ACTR1B: variants seen among roughly 807,000 people sequenced by gnomAD.
The protein encoded by ACTR1B is actin related protein 1B.
A neutral mutation model predicts 49.4 loss-of-function variants in ACTR1B; 34 were observed. The ratio of observed to expected loss-of-function variants is 0.69; its 90% confidence interval spans 0.52 to 0.92. The LOEUF (loss-of-function observed/expected upper bound fraction) is 0.92, where lower values mean the gene tolerates loss of function less well. Ranked by LOEUF, ACTR1B falls within the 40% of genes least tolerant of loss-of-function variation. The pLI, the probability that ACTR1B is intolerant of heterozygous loss-of-function variation, is 0.00. For missense variants in ACTR1B, 471 were observed against 522.4 expected (o/e 0.90, Z 0.96); for synonymous variants, 207 against 207.8 (o/e 1.00, Z 0.03).
intron 1 of ACTR1B, among the ~76,000 whole-genome samples, chr2:97,662,791 G>A (rs911669328): frequency 5.9e-5 from 9 of 152,178 alleles, no homozygotes; most frequent in Non-Finnish European, 1.3e-4. Flanking sequence ...CTGTTGATTA[G>A]CCTATACGAG....
chr2:97,656,530 C>T lies in ACTR1B; in HGVS notation c.*328G>A, dbSNP rs1293253420. ...ACCCAGGCATCCAGGCATTCTGGCC[C>T]TGGAGCTCAGGGAGGCAGCCCTGAG... On this transcript the variant is annotated 3_prime_UTR_variant, in exon 11 of 11. Transcript: ENST00000289228. 1.4e-5 allele frequency: 4 copies of T among 294,562 alleles called. No homozygotes were observed. Among genetic ancestry groups the T allele is most frequent in the Non-Finnish European group, 2.0e-5 (3 of 153,794 alleles). The allele number at this position is 294,562 out of a possible 1,614,324, so 18.2% of individuals were successfully genotyped here. A position where few individuals can be genotyped will look rare whatever the true frequency, so the allele number is the denominator to read the frequency against.
rs1397509836 is a variant in ACTR1B at position 97,658,429 on chromosome 2, CTTT to C, written c.652_654del (p.Lys218del). ...CACACCCTCTCGCCCCTTGTCACCT[CTTT>C]GATTGTCCGGACAACCTCAAACTCA... On this transcript the variant is annotated inframe_deletion, in exon 6 of 11. Coordinates refer to ENST00000289228, the MANE Select transcript of ACTR1B (RefSeq NM_005735.4). The surrounding 1 kb of genome is among the most constrained non-coding windows in gnomAD (Gnocchi z 5.9). 1 of 1,614,050 alleles carries C rather than the reference CTTT, an allele frequency of 6.2e-7. No individual in the cohort carries two copies. The highest frequency in any genetic ancestry group is 8.5e-7 in the Non-Finnish European group (1 of 1,179,982).
Position 97,658,064 on chromosome 2 carries a change from G to A in ACTR1B, c.804C>T (p.Val268=), listed in dbSNP as rs1042705. Residue 268 remains valine, a synonymous_variant, in exon 8 of 11, where the codon GTC becomes GTT. Coordinates refer to ENST00000289228, the MANE Select transcript of ACTR1B (RefSeq NM_005735.4). The surrounding 1 kb of genome is among the most constrained non-coding windows in gnomAD (Gnocchi z 5.9). The stretch of plus-strand genomic sequence containing the variant: ...CATGGAGCCCCTCACTCTCATCCCC[G>A]ACAAGGTCCGGCTGGAACAGCAGCT... ...APELLFQPDL[V]GDESEGLHEV... is the part of the protein sequence containing the mutation. The A allele has an allele frequency of 1.3e-5, 21 of 1,613,854 alleles. No homozygotes were observed. Among genetic ancestry groups the A allele is most frequent in the Middle Eastern group, 1.6e-4 (1 of 6,084 alleles).
At chr2:97,661,714 G>A (rs926938762) in intron 2 of ACTR1B, among the ~76,000 whole-genome samples, 168 bp downstream of exon 2, 6 of 152,174 alleles carry the variant, frequency 3.9e-5, no homozygotes, top group Admixed American at 2.0e-4. Context: ...ACCCTAGAAC[G>A]CTTGTCTTGT....
In ACTR1B at chr2:97,661,954, G is replaced by C; in HGVS notation, c.49-8C>G. On this transcript the variant is annotated splice_region_variant and splice_polypyrimidine_tract_variant and intron_variant, in intron 1 of 10. Transcript: ENST00000289228. Reference sequence around the variant, plus strand: ...TTTAATCACCCCCGAACCCTGCAAGGAAAAACAAAGTTGAGCTGCCCACAT... The same window carrying C: ...TTTAATCACCCCCGAACCCTGCAAGCAAAAACAAAGTTGAGCTGCCCACAT... 1.3e-6 allele frequency: 2 copies of C among 1,583,384 alleles called. No homozygotes were observed. Among genetic ancestry groups the C allele is most frequent in the Non-Finnish European group, 1.7e-6 (2 of 1,162,472 alleles).
chr2:97,663,844 T>G lies in ACTR1B; in HGVS notation c.47A>C (p.Asn16Thr). ...IIANQPVVID[N>T]GSGVIKAGFA... ...CTCCCCCTGGCTGCCGGGCCTCACG[T>G]TGTCGATGACCACAGGCTGGTTGGC... is the stretch of plus-strand genomic sequence containing the variant. Residue 16 changes from asparagine to threonine, a missense_variant and splice_region_variant, in exon 1 of 11, where the codon AAC (asparagine) becomes ACC (threonine). Coordinates refer to ENST00000289228, the MANE Select transcript of ACTR1B (RefSeq NM_005735.4). 1 of 1,414,198 alleles carries G rather than the reference T, an allele frequency of 7.1e-7. No homozygotes were observed. The highest frequency in any genetic ancestry group is 3.3e-5 in the East Asian group (1 of 30,748). The allele number at this position is 1,414,198 out of a possible 1,614,324, so 87.6% of individuals were successfully genotyped here.
In ACTR1B at chr2:97,658,912, G is replaced by A. The variant is rs1674933677; in HGVS notation, c.407C>T (p.Ala136Val). ...EVFFETFNVP[A>V]LFISMQAVLS... Reference sequence around the variant, plus strand: ...CACAGCCTGCATGGAGATGAACAGGGCCGGCACGTTGAAGGTCTCAAAGAA... The same window carrying A: ...CACAGCCTGCATGGAGATGAACAGGACCGGCACGTTGAAGGTCTCAAAGAA... Residue 136 changes from alanine (A) to valine (V), a missense_variant, in exon 5 of 11, where the codon GCC (alanine) becomes GTC (valine). Ala to Val is a moderately conservative substitution (Grantham distance 64, BLOSUM62 0). Transcript: ENST00000289228. The surrounding 1 kb of genome is among the most constrained non-coding windows in gnomAD (Gnocchi z 5.9). 2 of 1,614,120 alleles carry A rather than the reference G, an allele frequency of 1.2e-6. No individual in the cohort carries two copies. Among genetic ancestry groups the A allele is most frequent in the South Asian group, 1.1e-5 (1 of 91,080 alleles).
intron 8 of ACTR1B, among the ~76,000 whole-genome samples, 174 bp from the exon 9 acceptor site, chr2:97,657,683 C>T (rs913017800): frequency 1.1e-4 from 16 of 152,240 alleles, no homozygotes; most frequent in South Asian, 2.1e-4. Context: ...GCGGGCCCTG[C>T]GTCCTCACAG....
intron 10 of ACTR1B, 26 bp downstream of exon 10, chr2:97,657,126 G>C (rs2104496157): frequency 5.6e-6 from 9 of 1,610,294 alleles, no homozygotes; most frequent in Non-Finnish European, 7.6e-6. Context: ...TCTCCTCCCA[G>C]AGCCCTCCCT....
intron 2 of ACTR1B, 149 bp from the exon 3 acceptor site, chr2:97,660,795 C>A (rs1312250681): frequency 1.5e-5 from 11 of 744,026 alleles, no homozygotes; most frequent in Admixed American, 4.3e-5. Context: ...GAACTGGGGC[C>A]TATGGGGTTC....
In ACTR1B at chr2:97,659,467, C is replaced by T; in HGVS notation, c.200G>A (p.Gly67Glu). 1 of 1,613,682 alleles carries T rather than the reference C, an allele frequency of 6.2e-7. No individual in the cohort carries two copies. Among genetic ancestry groups the T allele is most frequent in the Non-Finnish European group, 8.5e-7 (1 of 1,179,960 alleles). ...CATGGGGTAGCGGATGGTCAGCAGC[C>T]CCCGGTGCTCCTGGTGGGGTGGGAA... ...FIGPKAEEHR[G>E]LLTIRYPMEH... The change falls in exon 4 of 11, where the codon GGG (glycine) becomes GAG (glutamate). Residue 67 changes from glycine to glutamate, a missense_variant. Coordinates refer to ENST00000289228, the MANE Select transcript of ACTR1B (RefSeq NM_005735.4). This position sits in a 1 kb window ranked among gnomAD's most constrained non-coding sequence, Gnocchi z 4.0.
Position 97,658,946 on chromosome 2 carries a change from C to T in ACTR1B, c.373G>A (p.Ala125Thr). 1 of 1,614,156 alleles carries T rather than the reference C, an allele frequency of 6.2e-7. No individual in the cohort carries two copies. The highest frequency in any genetic ancestry group is 2.2e-5 in the East Asian group (1 of 44,876). Reference protein sequence around the residue: ...LNPSKNREKAAEVFFETFNVP... With the variant: ...LNPSKNREKATEVFFETFNVP... ...TTGAAGGTCTCAAAGAACACCTCTGCCGCCTTCTCCCGGTTCTTACTCGGG... is the reference window on the plus strand; with the variant it reads ...TTGAAGGTCTCAAAGAACACCTCTGTCGCCTTCTCCCGGTTCTTACTCGGG... Residue 125 changes from alanine to threonine, a missense_variant, in exon 5 of 11, where the codon GCA becomes ACA. Ala to Thr is a moderately conservative substitution (Grantham distance 58, BLOSUM62 0). Coordinates refer to ENST00000289228, the MANE Select transcript of ACTR1B (RefSeq NM_005735.4). The surrounding 1 kb of genome is among the most constrained non-coding windows in gnomAD (Gnocchi z 5.9).
rs749790583 is a variant in ACTR1B at position 97,657,504 on chromosome 2, C to T, written c.931G>A (p.Gly311Arg). The T allele has an allele frequency of 3.1e-6, 5 of 1,614,218 alleles. No homozygotes were observed. Among genetic ancestry groups the T allele is most frequent in the South Asian group, 1.1e-5 (1 of 91,088 alleles). The change falls in exon 9 of 11, where the codon GGA becomes AGA. Residue 311 changes from glycine to arginine, a missense_variant. Transcript: ENST00000289228. The stretch of plus-strand genomic sequence containing the variant: ...TTCACTTCACTGAGTAATCGGTCTC[C>T]GAAGCCTGTGAACACAAAGCTGGCT... ...SGGSTLFKGF[G>R]DRLLSEVKKL... is the part of the protein sequence containing the mutation.
rs1205576688 is a variant in ACTR1B at position 97,661,865 on chromosome 2, G to T, written c.113+17C>A. 5 of 1,579,042 alleles carry T rather than the reference G, an allele frequency of 3.2e-6. No homozygotes were observed. Among genetic ancestry groups the T allele is most frequent in the Non-Finnish European group, 3.4e-6 (4 of 1,159,990 alleles). ...GGTAAACAAAAGGACTAAGGCTGCT[G>T]CCTGAGCCACACTTACTAGTTTGGG... is the stretch of plus-strand genomic sequence containing the variant. On this transcript the variant is annotated intron_variant, in intron 2 of 10. Coordinates refer to ENST00000289228, the MANE Select transcript of ACTR1B (RefSeq NM_005735.4).
In ACTR1B at chr2:97,660,928, C is replaced by G. The variant is rs574664110; in HGVS notation, c.114-282G>C. ...CCATGGCCCAGCCCTTGCAGAGGGTCGGCTTCCTGCAGCCACAGTGACTCA... is the reference window on the plus strand; with the variant it reads ...CCATGGCCCAGCCCTTGCAGAGGGTGGGCTTCCTGCAGCCACAGTGACTCA... On this transcript the variant is annotated intron_variant, in intron 2 of 10. Coordinates refer to ENST00000289228, the MANE Select transcript of ACTR1B (RefSeq NM_005735.4). Among the ~76,000 whole-genome samples the G allele has an allele frequency of 9.0e-4, 137 of 152,310 alleles. 4 individuals are homozygous for G. In the South Asian group the frequency reaches 0.028, roughly 31 times the overall value.
At position 97,659,602 on chromosome 2, in the gene ACTR1B, GCT is replaced by G; in HGVS notation, c.190-127_190-126del. 7.6e-7 allele frequency: 1 copy of G among 1,310,652 alleles called. No homozygotes were observed. The highest frequency in any genetic ancestry group is 1.1e-6 in the Non-Finnish European group (1 of 941,450). 81.2% of individuals were successfully genotyped at this position (1,310,652 alleles called of 1,614,324 possible). A position where few individuals can be genotyped will look rare whatever the true frequency, so the allele number is the denominator to read the frequency against. ...ACCTGCCCTGACCAGAACCACCCCT[GCT>G]CACTGGGTGTCCCAGGGTCTGTGGC... On this transcript the variant is annotated intron_variant, in intron 3 of 10. Coordinates refer to ENST00000289228, the MANE Select transcript of ACTR1B (RefSeq NM_005735.4). The surrounding 1 kb of genome is among the most constrained non-coding windows in gnomAD (Gnocchi z 4.0).
chr2:97,657,875 G>C, intron 8 of ACTR1B, 68 bp downstream of exon 8: 2 of 1,563,754 alleles, frequency 1.3e-6, no homozygotes, highest in Non-Finnish European at 1.7e-6. Flanking sequence ...CTGGGTAGGG[G>C]TATACTCTCT....
chr2:97,662,892 C>T (rs529234608), intron 1 of ACTR1B, among the ~76,000 whole-genome samples: 1 of 152,312 alleles, frequency 6.6e-6, no homozygotes, highest in South Asian at 2.1e-4. Context: ...TGCTAACCTC[C>T]TTATTAAACA....
rs1228985836 is a variant in ACTR1B, at chr2:97,661,807, G to A, written c.113+75C>T. ...TCAGGGCACAAATTGTCTTCAAAGA[G>A]CCCTGTGACAGAAGGCCAATGTTCT... On this transcript the variant is annotated intron_variant, in intron 2 of 10. Coordinates refer to ENST00000289228, the MANE Select transcript of ACTR1B (RefSeq NM_005735.4). 4 of 1,449,150 alleles carry A rather than the reference G, an allele frequency of 2.8e-6. No individual in the cohort carries two copies. The African/African-American group carries it at 5.6e-5, about 20-fold the overall frequency. 89.8% of individuals were successfully genotyped at this position (1,449,150 alleles called of 1,614,324 possible).
Sources: gnomAD v4.1 joint callset for allele counts (sites outside exome capture counted in the v4.1 genomes callset) on GRCh38, gnomAD v4.1.1 for gene constraint, Gnocchi (gnomAD v3.1) non-coding constraint, MANE v1.5 for transcripts, NCBI Gene and HGNC (gene_info 2026-07-23, HGNC 2026-07-21) for gene names.